LPP: variants seen among roughly 807,000 people sequenced by gnomAD.
LPP encodes the protein LIM domain containing preferred translocation partner in lipoma.
In LPP, 38 loss-of-function variants were observed where a neutral mutation model predicts 60.4. The ratio of observed to expected loss-of-function variants is 0.63; its 90% CI spans 0.49 to 0.83. The LOEUF is 0.83. Ranked by LOEUF, LPP falls within the 40% of genes least tolerant of loss-of-function variation. LPP has a pLI of 0.00. For missense variants in LPP, 902 were observed against 783.6 expected (o/e 1.15, Z -1.80); for synonymous variants, 328 against 290.8 (o/e 1.13, Z -1.30).
chr3:188,529,355 T>A (rs374788353), intron 6 of LPP, among the ~76,000 whole-genome samples: 1 of 152,200 alleles, frequency 6.6e-6, no homozygotes. Context: ...ACCTATAGAA[T>A]CACCTGACTA....
At chr3:188,632,276 A>G (rs76632518) in intron 7 of LPP, among the ~76,000 whole-genome samples, 5,496 of 152,264 alleles carry the variant, frequency 0.036, 132 homozygotes, top group Middle Eastern at 0.085. Flanking sequence ...AAGTGGTTAC[A>G]AATAAAATCT....
intron 7 of LPP, among the ~76,000 whole-genome samples, chr3:188,650,951 C>T (rs1038942196): frequency 2.0e-5 from 3 of 152,174 alleles, no homozygotes; most frequent in African/African-American, 4.8e-5. Context: ...CAATATTTAC[C>T]GTCTCTTTAT....
chr3:188,585,904 C>T (rs1009029276), intron 6 of LPP, among the ~76,000 whole-genome samples: 1 of 152,138 alleles, frequency 6.6e-6, no homozygotes, highest in African/African-American at 2.4e-5. Flanking sequence ...CACTGTTTTA[C>T]AGGCTGTGCA....
At chr3:188,798,890 A>G (rs1746186684) in intron 9 of LPP, among the ~76,000 whole-genome samples, 1 of 152,142 alleles carries the variant, frequency 6.6e-6, no homozygotes, top group Non-Finnish European at 1.5e-5. Context: ...TTGCTGGTGA[A>G]TTTTCTTGCT....
intron 6 of LPP, among the ~76,000 whole-genome samples, chr3:188,530,516 C>T (rs1211869321): frequency 6.6e-6 from 1 of 152,142 alleles, no homozygotes; most frequent in Admixed American, 6.5e-5. Flanking sequence ...CTTAGCCAAA[C>T]TCTTATTCTA....
At chr3:188,721,396 G>GA (rs1716316001) in intron 8 of LPP, among the ~76,000 whole-genome samples, 2 of 151,776 alleles carry the variant, frequency 1.3e-5, no homozygotes, top group African/African-American at 4.8e-5. Context: ...TACAAAAAAT[G>GA]AAAAAAATAT....
At chr3:188,702,339 TC>T (rs1864635660) in intron 7 of LPP, among the ~76,000 whole-genome samples, 1 of 124,552 alleles carries the variant, frequency 8.0e-6, no homozygotes, top group African/African-American at 2.6e-5. Flanking sequence ...TTCTTCTTCT[TC>T]TTTTTTTTTT....
chr3:188,415,775 C>CGGGGGG (rs57821014), intron 4 of LPP, among the ~76,000 whole-genome samples: 1 of 133,588 alleles, frequency 7.5e-6, no homozygotes, highest in Non-Finnish European at 1.7e-5. Context: ...ATGGGTGGGT[C>CGGGGGG]GGGGGGGGGC....
intron 3 of LPP, among the ~76,000 whole-genome samples, chr3:188,371,642 T>TATATATATATA (rs1553878070): frequency 9.3e-4 from 15 of 16,216 alleles, no homozygotes; most frequent in East Asian, 9.0e-3. Context: ...TATATATATA[T>TATATATATATA]TTTTTTTTTT....
intron 7 of LPP, among the ~76,000 whole-genome samples, chr3:188,669,137 G>T (rs1009149644): frequency 6.6e-6 from 1 of 152,068 alleles, no homozygotes; most frequent in Admixed American, 6.6e-5. Context: ...TTTGAGACTG[G>T]ACAGAAACAA....
chr3:188,319,101 A>G (rs1490909836), intron 2 of LPP, among the ~76,000 whole-genome samples: 1 of 152,116 alleles, frequency 6.6e-6, no homozygotes, highest in South Asian at 2.1e-4. Flanking sequence ...AGGTTAGTTT[A>G]TATAGTTTCA....
chr3:188,270,268 C>G (rs1324240251), intron 2 of LPP, among the ~76,000 whole-genome samples: 1 of 151,736 alleles, frequency 6.6e-6, no homozygotes, highest in Non-Finnish European at 1.5e-5. Context: ...ATAAGAACAA[C>G]CTTCGTTCCC....
At chr3:188,786,837 G>T (rs893956042) in intron 9 of LPP, among the ~76,000 whole-genome samples, 1 of 152,162 alleles carries the variant, frequency 6.6e-6, no homozygotes, top group Admixed American at 6.5e-5. Context: ...CCCAAAGGCT[G>T]CATACTGTAT....
intron 2 of LPP, among the ~76,000 whole-genome samples, chr3:188,266,296 C>A (rs923323586): frequency 4.6e-5 from 7 of 152,166 alleles, no homozygotes; most frequent in Non-Finnish European, 1.0e-4. Context: ...ACAGCGAGAA[C>A]AAGAAGTGTT....
chr3:188,345,059 T>G (rs2150714918), intron 3 of LPP, among the ~76,000 whole-genome samples: 1 of 152,326 alleles, frequency 6.6e-6, no homozygotes, highest in South Asian at 2.1e-4. Flanking sequence ...AGATGGAGAT[T>G]TTAGTGTCTG....
intron 6 of LPP, among the ~76,000 whole-genome samples, chr3:188,534,257 T>G (rs1419838033): frequency 6.6e-6 from 1 of 152,230 alleles, no homozygotes; most frequent in African/African-American, 2.4e-5. Context: ...TTAACTGTGA[T>G]TTGTTTGTTT....
chr3:188,241,906 A>G (rs1199723426), intron 2 of LPP, among the ~76,000 whole-genome samples: 2 of 152,232 alleles, frequency 1.3e-5, no homozygotes, highest in South Asian at 2.1e-4. Flanking sequence ...CCAGCTAGGC[A>G]TATGGAATAA....
chr3:188,409,516 T>C (rs1784419165), intron 4 of LPP, among the ~76,000 whole-genome samples: 1 of 152,266 alleles, frequency 6.6e-6, no homozygotes, highest in East Asian at 1.9e-4. Flanking sequence ...AACTTACATC[T>C]ATTGTGTTTG....
Position 188,882,318 on chromosome 3 carries a change from T to C in LPP, c.*7839T>C, listed in dbSNP as rs1770128986. 4.4e-6 allele frequency: 1 copy of C among 225,758 alleles called. No individual in the cohort carries two copies. The allele number at this position is 225,758 out of a possible 1,614,324, so 14.0% of individuals were successfully genotyped here. A position where few individuals can be genotyped will look rare whatever the true frequency, so the allele number is the denominator to read the frequency against. ...TATACTCAGAGAAGACCCTCTGCAT[T>C]GGCCAAAATATCATGGATTCTGGAA... On this transcript the variant is annotated 3_prime_UTR_variant, in exon 12 of 12. Coordinates refer to ENST00000617246, the MANE Select transcript of LPP (RefSeq NM_001375462.1).
Sources: gnomAD v4.1 joint callset for allele counts (sites outside exome capture counted in the v4.1 genomes callset) on GRCh38, gnomAD v4.1.1 for gene constraint, MANE v1.5 for transcripts, NCBI Gene and HGNC (gene_info 2026-07-23, HGNC 2026-07-21) for gene names.